Variants in GLRA2 observed in about 807,000 individuals in gnomAD.
GLRA2 encodes glycine receptor subunit alpha-2.
Under a neutral mutation model 31.6 loss-of-function variants are expected in GLRA2, and 11 were observed. The ratio of observed to expected loss-of-function variants is 0.35; its 90% CI spans 0.22 to 0.58. The LOEUF (loss-of-function observed/expected upper bound fraction) is 0.58, where lower values mean the gene tolerates loss of function less well. Ranked by LOEUF, GLRA2 falls within the 20% of genes least tolerant of loss-of-function variation. GLRA2 has a pLI of 0.84. For missense variants in GLRA2, 212 were observed against 351.8 expected, an observed-to-expected ratio of 0.60 and a Z score of 3.18; for synonymous variants, 132 against 134.0, an observed-to-expected ratio of 0.99 and a Z score of 0.10.
At chrX:14,680,021 T>C (rs2091183299) in intron 7 of GLRA2, among the ~76,000 whole-genome samples, 1 of 112,257 alleles carries the variant, frequency 8.9e-6, no homozygotes, top group African/African-American at 3.2e-5. Context: ...TTTGTGGCCA[T>C]TTGGTTTCTG....
At chrX:14,668,726 T>C (rs1193076349) in intron 7 of GLRA2, among the ~76,000 whole-genome samples, 1 of 111,633 alleles carries the variant, frequency 9.0e-6, no homozygotes, top group Non-Finnish European at 1.9e-5. Context: ...ATCATGAGAA[T>C]AGCACGGGAA....
At chrX:14,605,447 G>T (rs1004646210) in intron 5 of GLRA2, among the ~76,000 whole-genome samples, 13 of 111,306 alleles carry the variant, frequency 1.2e-4, no homozygotes, top group Non-Finnish European at 2.5e-4. Context: ...TAGGCCTTAT[G>T]TATTCATTTT....
intron 7 of GLRA2, among the ~76,000 whole-genome samples, chrX:14,659,027 G>A (rs1306205338): frequency 8.9e-6 from 1 of 111,964 alleles, no homozygotes; most frequent in Non-Finnish European, 1.9e-5. Flanking sequence ...TGGATGTGTT[G>A]CCTAATCTCT....
At chrX:14,459,669 CTGTT>C in the GLRA2 span, among the ~76,000 whole-genome samples, 1 of 111,647 alleles carries the variant, frequency 9.0e-6, no homozygotes. Flanking sequence ...ATTTGGCTCT[CTGTT>C]TGTCTGTTAT....
intron 2 of GLRA2, among the ~76,000 whole-genome samples, chrX:14,541,002 A>G (rs1425102786): frequency 9.0e-6 from 1 of 110,742 alleles, no homozygotes; most frequent in Non-Finnish European, 1.9e-5. Flanking sequence ...GGGAGAAAAA[A>G]AAAGAGAGAT....
At chrX:14,564,710 T>C (rs1202925011) in intron 2 of GLRA2, among the ~76,000 whole-genome samples, 1 of 111,654 alleles carries the variant, frequency 9.0e-6, no homozygotes, top group Non-Finnish European at 1.9e-5. Flanking sequence ...GGAGAGAGAA[T>C]GGTGTTGTAT....
At chrX:14,615,823 A>C (rs1335535501) in intron 7 of GLRA2, among the ~76,000 whole-genome samples, 1 of 111,787 alleles carries the variant, frequency 8.9e-6, no homozygotes. Context: ...ATTGATTCCA[A>C]GTTAATTTCC....
intron 4 of GLRA2, among the ~76,000 whole-genome samples, chrX:14,592,866 G>T (rs1406897011): frequency 1.8e-5 from 2 of 112,124 alleles, no homozygotes; most frequent in Non-Finnish European, 3.8e-5. Flanking sequence ...CACAAAGATG[G>T]TTGGCTGGGA....
chrX:14,459,249 A>G, the GLRA2 span, among the ~76,000 whole-genome samples: 1 of 111,882 alleles, frequency 8.9e-6, no homozygotes, highest in African/African-American at 3.3e-5. Flanking sequence ...TTTTGGTACC[A>G]GTACCATGCT....
chrX:14,562,421 C>G (rs759137981), intron 2 of GLRA2, among the ~76,000 whole-genome samples: 1 of 112,109 alleles, frequency 8.9e-6, no homozygotes, highest in Admixed American at 9.4e-5. Flanking sequence ...GTCCCTTGAT[C>G]TGGAAGGAGT....
the GLRA2 span, among the ~76,000 whole-genome samples, chrX:14,487,736 T>C: frequency 8.9e-6 from 1 of 111,945 alleles, no homozygotes; most frequent in African/African-American, 3.2e-5. Flanking sequence ...AAGTGGGCAA[T>C]GGTCTTGCAG....
intron 7 of GLRA2, among the ~76,000 whole-genome samples, chrX:14,685,553 A>G (rs1246875041): frequency 1.8e-5 from 2 of 111,470 alleles, no homozygotes; most frequent in Non-Finnish European, 3.8e-5. Flanking sequence ...GGGAGGGTGT[A>G]TGTGTCCAGG....
At chrX:14,647,716 G>C (rs908991858) in intron 7 of GLRA2, among the ~76,000 whole-genome samples, 1 of 112,530 alleles carries the variant, frequency 8.9e-6, no homozygotes, top group African/African-American at 3.2e-5. Flanking sequence ...CATTTATCTA[G>C]TCAGATCATG....
chrX:14,658,896 A>C (rs2090965535), intron 7 of GLRA2, among the ~76,000 whole-genome samples: 1 of 112,452 alleles, frequency 8.9e-6, no homozygotes, highest in South Asian at 3.6e-4. Context: ...TCTTAAGATG[A>C]AAAATTGAGG....
chrX:14,574,445 T>C (rs768753164), intron 3 of GLRA2, 45 bp downstream of exon 3: 3 of 1,155,745 alleles, frequency 2.6e-6, no homozygotes. Context: ...ACAACTCAAT[T>C]ATGCTGTGAA....
At chrX:14,460,223 G>A in the GLRA2 span, among the ~76,000 whole-genome samples, 2 of 111,659 alleles carry the variant, frequency 1.8e-5, no homozygotes, top group Non-Finnish European at 1.9e-5. Context: ...GGATGAAGCC[G>A]ATTTGATTGT....
At chrX:14,449,989 C>T in the GLRA2 span, among the ~76,000 whole-genome samples, 65 of 111,906 alleles carry the variant, frequency 5.8e-4, no homozygotes, top group African/African-American at 2.0e-3. Context: ...CAGATACTGC[C>T]TCAGGGAGCC....
chrX:14,583,467 C>T (rs759852774), intron 4 of GLRA2, among the ~76,000 whole-genome samples: 2 of 112,452 alleles, frequency 1.8e-5, no homozygotes, highest in Non-Finnish European at 3.8e-5. Context: ...GGCTGGGCGC[C>T]GTGGGTCACG....
At chrX:14,620,608 A>T (rs759230355) in intron 7 of GLRA2, among the ~76,000 whole-genome samples, 23 of 111,443 alleles carry the variant, frequency 2.1e-4, no homozygotes, top group African/African-American at 7.5e-4. Context: ...TCTGAAACAA[A>T]CTACAAACTA....
Sources: gnomAD v4.1 joint callset for allele counts (sites outside exome capture counted in the v4.1 genomes callset) on GRCh38, gnomAD v4.1.1 for gene constraint, MANE v1.5 for transcripts, NCBI Gene and HGNC (gene_info 2026-07-23, HGNC 2026-07-21) for gene names.